The following RBFOX1 variants were observed in gnomAD, a reference collection of about 807,000 sequenced individuals.
The protein encoded by RBFOX1 is RNA binding fox-1 homolog 1.
In RBFOX1, 8 loss-of-function variants were observed where a neutral mutation model predicts 57.7. That is an observed-to-expected ratio of 0.14 (90% CI 0.08 to 0.25). The LOEUF (loss-of-function observed/expected upper bound fraction) is 0.25, where lower values mean the gene tolerates loss of function less well. Ranked by LOEUF, RBFOX1 falls within the 10% of genes least tolerant of loss-of-function variation. The pLI, the probability that RBFOX1 is intolerant of heterozygous loss-of-function variation, is 1.00. For synonymous variants in RBFOX1, 326 were observed against 222.4 expected, an observed-to-expected ratio of 1.47 and a Z score of -4.15; for missense variants, 611 against 548.5, an observed-to-expected ratio of 1.11 and a Z score of -1.14.
chr16:5,832,385 G>T (rs556897782), intron 3 of RBFOX1, among the ~76,000 whole-genome samples: 2 of 152,198 alleles, frequency 1.3e-5, no homozygotes, highest in Non-Finnish European at 2.9e-5. Context: ...GCCCAGAAAG[G>T]GCTATTTTGC....
intron 3 of RBFOX1, among the ~76,000 whole-genome samples, chr16:6,907,100 A>C (rs927344637): frequency 6.6e-6 from 1 of 152,144 alleles, no homozygotes; most frequent in African/African-American, 2.4e-5. Context: ...TCTCAACCAG[A>C]GTGATTTTTG....
chr16:6,363,337 A>T (rs1296735952), intron 2 of RBFOX1, among the ~76,000 whole-genome samples: 1 of 152,186 alleles, frequency 6.6e-6, no homozygotes, highest in Non-Finnish European at 1.5e-5. Context: ...CCGAGGGAAA[A>T]ATAAATTCAG....
intron 5 of RBFOX1, among the ~76,000 whole-genome samples, chr16:7,571,587 T>C (rs2092782055): frequency 1.3e-5 from 2 of 152,176 alleles, no homozygotes; most frequent in Admixed American, 1.3e-4. Flanking sequence ...CCTGCGCCGA[T>C]ACCTGGGGAG....
chr16:7,221,355 ATTTATTTATTTT>A (rs1465328038), intron 4 of RBFOX1, among the ~76,000 whole-genome samples: 3 of 149,510 alleles, frequency 2.0e-5, no homozygotes, highest in African/African-American at 4.9e-5. Context: ...TTATTTATTT[ATTTATTTATTTT>A]TTTATTTATT....
At chr16:5,240,139 CG>C in intron 1 of RBFOX1, 1 of 1,273,982 alleles carries the variant, frequency 7.8e-7, no homozygotes, top group African/African-American at 1.5e-5. Context: ...CCGGGGGTGC[CG>C]GGGGCGCGGG....
intron 4 of RBFOX1, among the ~76,000 whole-genome samples, chr16:7,168,557 C>T (rs574801661): frequency 2.0e-5 from 3 of 152,132 alleles, no homozygotes; most frequent in South Asian, 4.2e-4. Context: ...AAAATGGCCA[C>T]ACACAGAAGA....
chr16:6,852,557 C>T (rs1200832811), intron 3 of RBFOX1, among the ~76,000 whole-genome samples: 1 of 152,180 alleles, frequency 6.6e-6, no homozygotes, highest in Non-Finnish European at 1.5e-5. Context: ...TACATGGTGG[C>T]AACTAGCTGT....
chr16:7,632,194 C>T (rs899505428), intron 11 of RBFOX1, among the ~76,000 whole-genome samples: 6 of 152,182 alleles, frequency 3.9e-5, no homozygotes, highest in Non-Finnish European at 5.9e-5. Flanking sequence ...CAGGCGTGAG[C>T]CACTGCCCCT....
At chr16:6,418,255 G>A (rs1406550575) in intron 2 of RBFOX1, among the ~76,000 whole-genome samples, 4 of 152,264 alleles carry the variant, frequency 2.6e-5, no homozygotes, top group East Asian at 1.9e-4. Context: ...GTGAGTGGCC[G>A]GGTCTGGAAA....
chr16:7,484,834 C>T (rs764368257), intron 4 of RBFOX1, among the ~76,000 whole-genome samples: 18 of 152,122 alleles, frequency 1.2e-4, no homozygotes, highest in Admixed American at 6.5e-5. Flanking sequence ...TGGATATCCT[C>T]TGGGCTCTGT....
rs138502476 is a variant in RBFOX1, at chr16:6,938,062, C to A, written c.-15-113995C>A. 4.5e-3 allele frequency among the ~76,000 whole-genome samples: 685 copies of A among 151,810 alleles called. 6 individuals are homozygous for A. Among genetic ancestry groups the A allele is most frequent in the Middle Eastern group, 0.027 (8 of 294 alleles). ...GGGAGCTAATTGTGATATGGATATC[C>A]CTCAGTTTCTGCTTGCTTTTTAGAA... On this transcript the variant is annotated intron_variant, in intron 3 of 15. Transcript: ENST00000550418.
At chr16:6,398,510 C>T (rs1289946846) in intron 2 of RBFOX1, among the ~76,000 whole-genome samples, 14 of 152,030 alleles carry the variant, frequency 9.2e-5, no homozygotes, top group East Asian at 1.9e-4. Flanking sequence ...GTACAGGCAT[C>T]GGATAAATAC....
chr16:6,557,867 A>T (rs1413752688), intron 2 of RBFOX1, among the ~76,000 whole-genome samples: 2 of 152,188 alleles, frequency 1.3e-5, no homozygotes, highest in South Asian at 2.1e-4. Context: ...AATATTGTGT[A>T]TTCTCCCCTT....
intron 3 of RBFOX1, among the ~76,000 whole-genome samples, chr16:5,761,074 T>G (rs190040792): frequency 3.8e-4 from 58 of 152,292 alleles, no homozygotes; most frequent in African/African-American, 6.5e-4. Flanking sequence ...AAGGATCCAG[T>G]TGGTAAACAG....
At chr16:6,782,299 T>C (rs2081166522) in intron 3 of RBFOX1, among the ~76,000 whole-genome samples, 1 of 152,162 alleles carries the variant, frequency 6.6e-6, no homozygotes, top group Admixed American at 6.5e-5. Context: ...ATACAGGCAT[T>C]TATTGTTATA....
At chr16:5,775,169 T>G (rs2054105416) in intron 3 of RBFOX1, among the ~76,000 whole-genome samples, 1 of 152,144 alleles carries the variant, frequency 6.6e-6, no homozygotes, top group South Asian at 2.1e-4. Context: ...GTAACTCACA[T>G]CCTATTCTGG....
chr16:6,939,698 G>C (rs145231948), intron 3 of RBFOX1, among the ~76,000 whole-genome samples: 1 of 152,008 alleles, frequency 6.6e-6, no homozygotes, highest in African/African-American at 2.4e-5. Flanking sequence ...CTTTGGTAGA[G>C]TTGAGGCTTC....
intron 1 of RBFOX1, among the ~76,000 whole-genome samples, chr16:5,309,086 T>A (rs11076907): frequency 0.57 from 86,386 of 151,966 alleles, 27,172 homozygotes; most frequent in East Asian, 0.73. Context: ...CTCCACGAAT[T>A]TGTTAAAATC....
intron 11 of RBFOX1, among the ~76,000 whole-genome samples, chr16:7,637,040 C>G (rs770268837): frequency 2.6e-5 from 4 of 152,144 alleles, no homozygotes; most frequent in African/African-American, 4.8e-5. Flanking sequence ...TAGTCCGTAG[C>G]AAGCCCCTTG....
Sources: gnomAD v4.1 joint callset for allele counts (sites outside exome capture counted in the v4.1 genomes callset) on GRCh38, gnomAD v4.1.1 for gene constraint, MANE v1.5 for transcripts, NCBI Gene and HGNC (gene_info 2026-07-23, HGNC 2026-07-21) for gene names.